Variants in ACSM3 observed in about 807,000 individuals in gnomAD.
ACSM3 encodes the protein acyl-coenzyme A synthetase ACSM3, mitochondrial.
A neutral mutation model predicts 74.1 loss-of-function variants in ACSM3; 61 were observed. That is an observed-to-expected ratio of 0.82 (90% CI 0.67 to 1.02). The LOEUF (loss-of-function observed/expected upper bound fraction) is 1.02, where lower values mean the gene tolerates loss of function less well. ACSM3 is among the 50% of genes least tolerant of loss of function. ACSM3 has a pLI of 0.00. For synonymous variants in ACSM3, 213 were observed against 241.5 expected, an observed-to-expected ratio of 0.88 and a Z score of 1.09; for missense variants, 660 against 697.0, an observed-to-expected ratio of 0.95 and a Z score of 0.60.
At chr16:20,741,816 GGT>G in intron 1 of ACSM3, 1 of 1,542,202 alleles carries the variant, frequency 6.5e-7, no homozygotes. Context: ...GGCGCGAACT[GGT>G]GACGTCGGAT....
intron 1 of ACSM3, chr16:20,741,481 G>GGGGGGGGGGGGGGCCC: frequency 1.1e-5 from 14 of 1,308,404 alleles, no homozygotes; most frequent in South Asian, 1.8e-5. Flanking sequence ...CTGGCAGCCG[G>GGGGGGGGGGGGGGCCC]CCCGCCCGCC....
chr16:20,764,055 C>A lies in ACSM3; in HGVS notation c.-122C>A, dbSNP rs563342017. 4.6e-5 allele frequency: 7 copies of A among 152,220 alleles called. No individual in the cohort carries two copies. The highest frequency in any genetic ancestry group is 7.3e-5 in the Non-Finnish European group (5 of 68,052). 9.4% of individuals were successfully genotyped at this position (152,220 alleles called of 1,614,324 possible). Reference sequence around the variant, plus strand: ...CGAGGAAAAAGCAGATGTGAGAACTCAAGGTTCAGGGCTGCTCTTCTAAGA... The same window carrying A: ...CGAGGAAAAAGCAGATGTGAGAACTAAAGGTTCAGGGCTGCTCTTCTAAGA... On this transcript the variant is annotated 5_prime_UTR_variant, in exon 1 of 14. Transcript: ENST00000289416.
At chr16:20,773,974 A>G (rs566278225) in intron 2 of ACSM3, among the ~76,000 whole-genome samples, 1 of 152,260 alleles carries the variant, frequency 6.6e-6, no homozygotes, top group South Asian at 2.1e-4. Context: ...AGTCCTGAAC[A>G]TTGTTGTATT....
chr16:20,732,822 CAG>C (rs2079838819), intron 1 of ACSM3: 1 of 152,668 alleles, frequency 6.6e-6, no homozygotes, highest in Non-Finnish European at 1.5e-5. Flanking sequence ...AATTCAGTCT[CAG>C]AGTTTCATGC....
At chr16:20,781,478 T>C (rs2080351762) in intron 6 of ACSM3, among the ~76,000 whole-genome samples, 2 of 152,226 alleles carry the variant, frequency 1.3e-5, no homozygotes, top group Admixed American at 1.3e-4. Context: ...ATTTAAAGTA[T>C]ACGGGAGGAT....
intron 1 of ACSM3, among the ~76,000 whole-genome samples, chr16:20,692,870 G>A (rs1052698055): frequency 4.6e-5 from 7 of 152,090 alleles, no homozygotes; most frequent in Middle Eastern, 3.2e-3. Context: ...ATTTCAGCAA[G>A]ATAAAAAATT....
intron 1 of ACSM3, among the ~76,000 whole-genome samples, chr16:20,722,499 T>C (rs182044351): frequency 8.9e-4 from 136 of 152,270 alleles, no homozygotes; most frequent in African/African-American, 3.1e-3. Context: ...CATTATCTTA[T>C]GGAAGAATAA....
chr16:20,728,309 C>A, intron 1 of ACSM3: 1 of 654,942 alleles, frequency 1.5e-6, no homozygotes, highest in Non-Finnish European at 2.6e-6. Flanking sequence ...TTCTGCTATT[C>A]ACTGTACAAC....
chr16:20,682,114 C>T, intron 1 of ACSM3: 1 of 756,668 alleles, frequency 1.3e-6, no homozygotes, highest in Non-Finnish European at 2.1e-6. Flanking sequence ...GTTCAGGGCT[C>T]AGTCCTTTGG....
chr16:20,681,855 A>G (rs973414148), intron 1 of ACSM3: 51 of 157,210 alleles, frequency 3.2e-4, no homozygotes, highest in African/African-American at 1.2e-3. Flanking sequence ...TTCCGTCTGT[A>G]GCTAGTGAGC....
At chr16:20,690,713 C>T (rs1397697013) in intron 1 of ACSM3, among the ~76,000 whole-genome samples, 2 of 152,178 alleles carry the variant, frequency 1.3e-5, no homozygotes, top group Non-Finnish European at 2.9e-5. Context: ...GAACTTTGCA[C>T]CTGGTCACAA....
chr16:20,781,976 C>T (rs2080362646), intron 7 of ACSM3, among the ~76,000 whole-genome samples, 189 bp downstream of exon 7: 1 of 152,098 alleles, frequency 6.6e-6, no homozygotes, highest in Non-Finnish European at 1.5e-5. Context: ...GGGCAAGATC[C>T]CCCAAACAAG....
intron 1 of ACSM3, chr16:20,741,989 A>G: frequency 6.6e-7 from 1 of 1,511,018 alleles, no homozygotes; most frequent in Non-Finnish European, 8.8e-7. Flanking sequence ...GAGGCAGCAT[A>G]GCAGCCATTC....
intron 9 of ACSM3, among the ~76,000 whole-genome samples, chr16:20,789,159 C>G (rs137908650): frequency 2.0e-5 from 3 of 152,204 alleles, no homozygotes; most frequent in Non-Finnish European, 4.4e-5. Context: ...TTGGATTAAA[C>G]TCTCTAGAGG....
At chr16:20,759,232 A>T (rs1205144473), upstream of ACSM3, among the ~76,000 whole-genome samples, 3 of 152,128 alleles carry the variant, frequency 2.0e-5, no homozygotes, top group Non-Finnish European at 2.9e-5. Context: ...CAATGATTTA[A>T]TCAGTCAGGC....
At chr16:20,679,205 G>A (rs1488674471) in intron 1 of ACSM3, 2 of 152,202 alleles carry the variant, frequency 1.3e-5, no homozygotes, top group African/African-American at 4.8e-5. Flanking sequence ...GAAACTAGCA[G>A]CAGCAGTGAC....
intron 1 of ACSM3, chr16:20,738,106 C>A (rs1198819938): frequency 2.5e-6 from 2 of 796,322 alleles, no homozygotes; most frequent in Non-Finnish European, 4.1e-6. Flanking sequence ...TCTTTCCAAA[C>A]AGTATTTCTT....
At chr16:20,744,944 G>T (rs1437634242) in intron 1 of ACSM3, among the ~76,000 whole-genome samples, 2 of 152,130 alleles carry the variant, frequency 1.3e-5, no homozygotes, top group Non-Finnish European at 2.9e-5. Context: ...TTTCATGGTT[G>T]CTGACTGTGC....
At chr16:20,676,015 A>T (rs561696079) in intron 1 of ACSM3, 1 of 152,380 alleles carries the variant, frequency 6.6e-6, no homozygotes, top group Non-Finnish European at 1.5e-5. Flanking sequence ...TGCAAGAACC[A>T]CAGGAGGGAA....
Sources: gnomAD v4.1 joint callset for allele counts (sites outside exome capture counted in the v4.1 genomes callset) on GRCh38, gnomAD v4.1.1 for gene constraint, MANE v1.5 for transcripts, NCBI Gene and HGNC (gene_info 2026-07-23, HGNC 2026-07-21) for gene names.